Variants in ZNF552 observed in about 807,000 individuals in gnomAD.
ZNF552 encodes the protein zinc finger protein 552.
ZNF552 carries 2 observed loss-of-function variants against 7.2 expected under a neutral mutation model. The observed-to-expected ratio is 0.28, with a 90% CI of 0.11 to 0.88. ZNF552 has a LOEUF of 0.88. Ranked by LOEUF, ZNF552 falls within the 40% of genes least tolerant of loss-of-function variation. The probability of loss-of-function intolerance (pLI) is 0.60; values close to 1 mark genes in which losing one functional copy is unlikely to be tolerated. For missense variants in ZNF552, 421 were observed against 493.4 expected (o/e 0.85, Z 1.39); for synonymous variants, 173 against 176.5 (o/e 0.98, Z 0.16).
chr19:57,813,285 G>T lies in ZNF552; in HGVS notation c.160+9C>A, dbSNP rs530128550. ...GCTCAGGTCACAGGGGTGAGTGTGGGCAACTTACCCAGGGAGGACATAAGT... is the reference window on the plus strand; with the variant it reads ...GCTCAGGTCACAGGGGTGAGTGTGGTCAACTTACCCAGGGAGGACATAAGT... On this transcript the variant is annotated intron_variant, in intron 2 of 2. Transcript: ENST00000391701. The T allele has an allele frequency of 6.2e-7, 1 of 1,613,878 alleles. No individual in the cohort carries two copies. Among genetic ancestry groups the T allele is most frequent in the Admixed American group, 1.7e-5 (1 of 59,992 alleles).
At position 57,814,832 on chromosome 19, in the gene ZNF552, C is replaced by G. The variant is rs1272136423; in HGVS notation, c.-89G>C. On this transcript the variant is annotated 5_prime_UTR_variant, in exon 1 of 3. Transcript: ENST00000391701. Reference sequence around the variant, plus strand: ...TCTGTGCAAAGAGAAGAACGACTCTCGACCTCCTGGATCCAGTCACCACCA... The same window carrying G: ...TCTGTGCAAAGAGAAGAACGACTCTGGACCTCCTGGATCCAGTCACCACCA... The G allele has an allele frequency of 7.4e-7, 1 of 1,342,386 alleles. No homozygotes were observed. The allele number at this position is 1,342,386 out of a possible 1,614,324, so 83.2% of individuals were successfully genotyped here. A position where few individuals can be genotyped will look rare whatever the true frequency, so the allele number is the denominator to read the frequency against.
Position 57,814,836 on chromosome 19 carries a change from C to T in ZNF552, c.-93G>A, listed in dbSNP as rs1987930922. ...TGCAAAGAGAAGAACGACTCTCGAC[C>T]TCCTGGATCCAGTCACCACCACGGT... On this transcript the variant is annotated 5_prime_UTR_variant, in exon 1 of 3. Transcript: ENST00000391701. The T allele has an allele frequency of 7.7e-7, 1 of 1,306,290 alleles. No homozygotes were observed. The highest frequency in any genetic ancestry group is 1.1e-6 in the Non-Finnish European group (1 of 944,254). The allele number at this position is 1,306,290 out of a possible 1,614,324, so 80.9% of individuals were successfully genotyped here.
chr19:57,808,341 T>C lies in ZNF552; in HGVS notation c.923A>G (p.Lys308Arg). 1 of 1,613,488 alleles carries C rather than the reference T, an allele frequency of 6.2e-7. No homozygotes were observed. The highest frequency in any genetic ancestry group is 8.5e-7 in the Non-Finnish European group (1 of 1,179,452). Residue 308 changes from lysine to arginine, a missense_variant, in exon 3 of 3, where the codon AAG (lysine) becomes AGG (arginine). Lys to Arg is a conservative substitution (Grantham distance 26). Around this residue, in one of 2 missense-constraint regions of ZNF552, gnomAD observed 299 missense variants for 293.7 expected, o/e 1.02. Transcript: ENST00000391701. The part of the protein sequence containing the change: ...CEVCQKFFRH[K>R]YHLIAHQRVH... ...TCTCTGGTGTGCAATGAGGTGGTAC[T>C]TGTGCCTAAAAAATTTCTGACAAAC...
rs1311271410 is a variant in ZNF552 at position 57,814,708 on chromosome 19, T to C, written c.33+3A>G. The C allele has an allele frequency of 9.3e-6, 15 of 1,613,948 alleles. No homozygotes were observed. The highest frequency in any genetic ancestry group is 5.0e-5 in the Admixed American group (3 of 59,996). On this transcript the variant is annotated splice_donor_region_variant and intron_variant, in intron 1 of 2. Coordinates refer to ENST00000391701, the MANE Select transcript of ZNF552 (RefSeq NM_024762.3). ...CGGAGAGCACGGAAGGCGCCACAATTACCTGAACGGGGAACCTTAGCGCGG... is the reference window on the plus strand; with the variant it reads ...CGGAGAGCACGGAAGGCGCCACAATCACCTGAACGGGGAACCTTAGCGCGG...
rs1987798104 is a variant in ZNF552, at chr19:57,808,827, G to A, written c.437C>T (p.Pro146Leu). ...CGCCTCCTCAACACTCCCTCTGTAG[G>A]GTTTCTCTCCAATGTGCTCATTCTG... The part of the protein sequence containing the change: ...QHQNEHIGEK[P>L]YRGSVEEALF... The change falls in exon 3 of 3, where the codon CCC becomes CTC. Residue 146 changes from proline (P) to leucine (L), a missense_variant. Pro to Leu is a moderately conservative substitution (Grantham distance 98). Transcript: ENST00000391701. 6.2e-7 allele frequency: 1 copy of A among 1,613,870 alleles called. No homozygotes were observed. The highest frequency in any genetic ancestry group is 2.2e-5 in the East Asian group (1 of 44,858).
intron 2 of ZNF552, among the ~76,000 whole-genome samples, chr19:57,812,284 A>C (rs543826300): frequency 1.5e-3 from 236 of 152,280 alleles, no homozygotes; most frequent in African/African-American, 5.5e-3. Flanking sequence ...GTCTGGCCCC[A>C]AAAATACTAC....
rs1987769471 is a variant in ZNF552 at position 57,807,759 on chromosome 19, TCTC to T, written c.*278_*280del. 2 of 356,120 alleles carry T rather than the reference TCTC, an allele frequency of 5.6e-6. No homozygotes were observed. The highest frequency in any genetic ancestry group is 1.2e-4 in the South Asian group (2 of 17,094). The allele number at this position is 356,120 out of a possible 1,614,324, so 22.1% of individuals were successfully genotyped here. ...TGTAGCAATCCTCCCACATGACAGC[TCTC>T]CTGTGAGTTATGCAGCCAGACTTCT... On this transcript the variant is annotated 3_prime_UTR_variant, in exon 3 of 3. Coordinates refer to ENST00000391701, the MANE Select transcript of ZNF552 (RefSeq NM_024762.3).
rs772205838 is a variant in ZNF552 at position 57,814,749 on chromosome 19, C to T, written c.-6G>A. 4 of 1,613,744 alleles carry T rather than the reference C, an allele frequency of 2.5e-6. No individual in the cohort carries two copies. The highest frequency in any genetic ancestry group is 3.4e-6 in the Non-Finnish European group (4 of 1,179,966). ...CTTAGCGCGGCCGCCGCCATGGGAC[C>T]ACGTGGGGTAAGCTGGGTTGAGAGC... On this transcript the variant is annotated 5_prime_UTR_variant, in exon 1 of 3. Coordinates refer to ENST00000391701, the MANE Select transcript of ZNF552 (RefSeq NM_024762.3).
chr19:57,814,529 G>C lies in ZNF552; in HGVS notation c.33+182C>G, dbSNP rs116043702. On this transcript the variant is annotated intron_variant, in intron 1 of 2. Transcript: ENST00000391701. The stretch of plus-strand genomic sequence containing the variant: ...CAGGCCATTGCCCGCGCCCCTCCCT[G>C]TACCTGTCGCTCTCCCCACCGCATC... The C allele has an allele frequency of 5.7e-3, 8,827 of 1,538,304 alleles. 420 individuals are homozygous for C. In the African/African-American group the frequency reaches 0.1, roughly 18 times the overall value.
intron 2 of ZNF552, among the ~76,000 whole-genome samples, chr19:57,809,914 A>G (rs116314878): frequency 0.012 from 1,821 of 151,374 alleles, 33 homozygotes; most frequent in African/African-American, 0.042. Context: ...GGCCCAGGAG[A>G]TCAAGACCAG....
intron 2 of ZNF552, among the ~76,000 whole-genome samples, chr19:57,809,809 C>G (rs1987819760): frequency 6.6e-6 from 1 of 152,088 alleles, no homozygotes; most frequent in South Asian, 2.1e-4. Flanking sequence ...TGGTGAGACC[C>G]TGTCTCTACA....
At chr19:57,812,825 TC>T (rs1174963054) in intron 2 of ZNF552, among the ~76,000 whole-genome samples, 2 of 152,172 alleles carry the variant, frequency 1.3e-5, no homozygotes, top group African/African-American at 4.8e-5. Flanking sequence ...TACCTTGGCC[TC>T]CCTGAGTGCA....
chr19:57,814,086 G>C (rs1568491728), intron 1 of ZNF552, among the ~76,000 whole-genome samples: 1 of 152,038 alleles, frequency 6.6e-6, no homozygotes. Flanking sequence ...AGCCATAAAG[G>C]CCTGAGGGAA....
At chr19:57,811,308 G>A (rs994155992) in intron 2 of ZNF552, among the ~76,000 whole-genome samples, 1 of 152,068 alleles carries the variant, frequency 6.6e-6, no homozygotes, top group Non-Finnish European at 1.5e-5. Context: ...CGAGTAGCTG[G>A]GACTACAGGC....
At position 57,814,747 on chromosome 19, in the gene ZNF552, A is replaced by G. The variant is rs1396265686; in HGVS notation, c.-4T>C. ...ACCTTAGCGCGGCCGCCGCCATGGG[A>G]CCACGTGGGGTAAGCTGGGTTGAGA... On this transcript the variant is annotated 5_prime_UTR_variant, in exon 1 of 3. Coordinates refer to ENST00000391701, the MANE Select transcript of ZNF552 (RefSeq NM_024762.3). The G allele has an allele frequency of 6.2e-7, 1 of 1,613,816 alleles. No homozygotes were observed. Among genetic ancestry groups the G allele is most frequent in the Non-Finnish European group, 8.5e-7 (1 of 1,179,952 alleles).
Position 57,810,194 on chromosome 19 carries a change from G to C in ZNF552, c.161-1091C>G, listed in dbSNP as rs548984810. Among the ~76,000 whole-genome samples, 25 of 152,026 alleles carry C rather than the reference G, an allele frequency of 1.6e-4. No homozygotes were observed. In the South Asian group the frequency reaches 4.6e-3, roughly 28 times the overall value. On this transcript the variant is annotated intron_variant, in intron 2 of 2. Coordinates refer to ENST00000391701, the MANE Select transcript of ZNF552 (RefSeq NM_024762.3). The stretch of plus-strand genomic sequence containing the variant: ...AGAGAAGAGAGAAGAAAAGGGCCAG[G>C]TGTCGTGGGTCATGCCTGTAATCCC...
intron 1 of ZNF552, 83 bp downstream of exon 1, chr19:57,814,628 C>T: frequency 6.2e-7 from 1 of 1,609,908 alleles, no homozygotes; most frequent in Non-Finnish European, 8.5e-7. Context: ...GTTGCAGAGC[C>T]GTAAACAGGT....
chr19:57,807,715 G>A lies in ZNF552; in HGVS notation c.*325C>T, dbSNP rs949120459. ...GCTCACTGCAACCTCTGCCTCCCAG[G>A]CTCAAGCAAATCCTCCCATGTAGCA... On this transcript the variant is annotated 3_prime_UTR_variant, in exon 3 of 3. Transcript: ENST00000391701. 1 of 254,306 alleles carries A rather than the reference G, an allele frequency of 3.9e-6. No homozygotes were observed. Among genetic ancestry groups the A allele is most frequent in the Non-Finnish European group, 7.4e-6 (1 of 134,244 alleles). The allele number at this position is 254,306 out of a possible 1,614,324, so 15.8% of individuals were successfully genotyped here.
Position 57,807,583 on chromosome 19 carries a change from T to C in ZNF552, c.*457A>G, listed in dbSNP as rs1269957775. The stretch of plus-strand genomic sequence containing the variant: ...AAAGAAAAAGAAAATTCAAGACTTA[T>C]CCTACAGCTCAAATATGCATACTTT... On this transcript the variant is annotated 3_prime_UTR_variant, in exon 3 of 3. Transcript: ENST00000391701. 1 of 155,248 alleles carries C rather than the reference T, an allele frequency of 6.4e-6. No individual in the cohort carries two copies. The allele number at this position is 155,248 out of a possible 1,614,324, so 9.6% of individuals were successfully genotyped here. A position where few individuals can be genotyped will look rare whatever the true frequency, so the allele number is the denominator to read the frequency against.
Sources: gnomAD v4.1 joint callset for allele counts (sites outside exome capture counted in the v4.1 genomes callset) on GRCh38, gnomAD v4.1.1 for gene constraint, gnomAD v4.1.1 regional missense constraint, MANE v1.5 for transcripts, NCBI Gene and HGNC (gene_info 2026-07-23, HGNC 2026-07-21) for gene names.